Variants in TRIM65 observed in about 807,000 individuals in gnomAD.
TRIM65 encodes tripartite motif containing 65.
A neutral mutation model predicts 36.1 loss-of-function variants in TRIM65; 46 were observed. The observed-to-expected ratio is 1.27, with a 90% confidence interval of 1.01 to 1.63. The LOEUF (loss-of-function observed/expected upper bound fraction) is 1.63, where lower values mean the gene tolerates loss of function less well. Ranked by LOEUF, TRIM65 falls within the 40% of genes most tolerant of loss-of-function variation. The pLI is 0.00. For synonymous variants in TRIM65, 346 were observed against 313.6 expected (o/e 1.10, Z -1.09); for missense variants, 708 against 696.6 (o/e 1.02, Z -0.18).
chr17:75,888,658 C>T (rs2065228909), downstream of TRIM65, among the ~76,000 whole-genome samples: 1 of 152,236 alleles, frequency 6.6e-6, no homozygotes, highest in Admixed American at 6.5e-5. Flanking sequence ...TCAGCTCCCA[C>T]CATTGCCCCT....
rs149815492 is a variant in TRIM65 at position 75,892,366 on chromosome 17, G to A, written c.645C>T (p.Asp215=). 303 of 1,613,476 alleles carry A rather than the reference G, an allele frequency of 1.9e-4. No homozygotes were observed. The highest frequency in any genetic ancestry group is 3.8e-4 in the South Asian group (35 of 91,060). The change falls in exon 3 of 6, where the codon GAC becomes GAT. Residue 215 remains aspartate, a synonymous_variant. Coordinates refer to ENST00000269383, the MANE Select transcript of TRIM65 (RefSeq NM_173547.4). ...AATGGACCCGCAGCCGCTGCTCCTCGTCTCGAGCCTGTGCCAGCGCCTGCG... is the reference window on the plus strand; with the variant it reads ...AATGGACCCGCAGCCGCTGCTCCTCATCTCGAGCCTGTGCCAGCGCCTGCG... ...AKTQALAQAR[D]EEQRLRVHLE... is the part of the protein sequence containing the mutation.
chr17:75,895,810 C>G (rs920249167), intron 1 of TRIM65, among the ~76,000 whole-genome samples: 64 of 152,310 alleles, frequency 4.2e-4, no homozygotes, highest in African/African-American at 1.5e-3. Context: ...GCAGGGAGCT[C>G]GTCTGATCCA....
chr17:75,884,301 T>A (rs2065190205), downstream of TRIM65, among the ~76,000 whole-genome samples: 2 of 148,948 alleles, frequency 1.3e-5, no homozygotes, highest in Admixed American at 6.7e-5. Flanking sequence ...GTACTAAAAA[T>A]ACAAAAAATT....
Position 75,896,668 on chromosome 17 carries a change from GTCGGGGCCGGGGCCGGGA to G in TRIM65, c.252_269del (p.Gly86_Pro91del), listed in dbSNP as rs1160199096. ...CGTGGCGGGGGCAGCGCGCGGCAGGGTCGGGGCCGGGGCCGGGATCGGGGCCGGGATCCCGGGCGGGCC... is the reference window on the plus strand; with the variant it reads ...CGTGGCGGGGGCAGCGCGCGGCAGGGTCGGGGCCGGGATCCCGGGCGGGCC... On this transcript the variant is annotated inframe_deletion, in exon 1 of 6. Transcript: ENST00000269383. 38 of 1,277,680 alleles carry G rather than the reference GTCGGGGCCGGGGCCGGGA, an allele frequency of 3.0e-5. No homozygotes were observed. The highest frequency in any genetic ancestry group is 3.6e-5 in the Non-Finnish European group (37 of 1,017,778). 79.1% of individuals were successfully genotyped at this position (1,277,680 alleles called of 1,614,324 possible). A position where few individuals can be genotyped will look rare whatever the true frequency, so the allele number is the denominator to read the frequency against.
At chr17:75,891,963 G>A (rs2065274102) in intron 4 of TRIM65, 48 bp downstream of exon 4, 1 of 1,557,234 alleles carries the variant, frequency 6.4e-7, no homozygotes, top group Non-Finnish European at 8.7e-7. Flanking sequence ...CCAGCGGGAG[G>A]GGCAGCTGGA....
At position 75,896,578 on chromosome 17, in the gene TRIM65, GC is replaced by G; in HGVS notation, c.359del (p.Arg120ProfsTer22). 2.9e-6 allele frequency: 4 copies of G among 1,361,564 alleles called. No individual in the cohort carries two copies. In the East Asian group the frequency reaches 1.2e-4, roughly 42 times the overall value. The allele number at this position is 1,361,564 out of a possible 1,614,324, so 84.3% of individuals were successfully genotyped here. On this transcript the variant is annotated frameshift_variant, in exon 1 of 6. Coordinates refer to ENST00000269383, the MANE Select transcript of TRIM65 (RefSeq NM_173547.4). LOFTEE classifies it high-confidence loss of function. ...GRCVCSVCTV[R>X]ECRLHERALL... ...GCGCCCGCTCGTGGAGGCGACACTC[GC>G]GCACGGTGCACACGCTGCACACACA...
downstream of TRIM65, among the ~76,000 whole-genome samples, chr17:75,887,641 C>T (rs188287159): frequency 5.8e-4 from 74 of 127,838 alleles, no homozygotes; most frequent in East Asian, 7.1e-3. Context: ...AGTGAGACTC[C>T]GTCTCAAAAA....
At chr17:75,894,764 C>T (rs1351055942) in intron 1 of TRIM65, among the ~76,000 whole-genome samples, 5 of 152,224 alleles carry the variant, frequency 3.3e-5, no homozygotes, top group African/African-American at 9.6e-5. Context: ...CTCCTGACCT[C>T]GTGATCCACC....
chr17:75,881,230 C>A, intron 4 of TRIM65, among the ~76,000 whole-genome samples: 1 of 91,150 alleles, frequency 1.1e-5, no homozygotes, highest in East Asian at 4.0e-4. Context: ...AGCGAGACTC[C>A]ATCTCAAAAA....
At chr17:75,884,303 C>G (rs2065190229), downstream of TRIM65, among the ~76,000 whole-genome samples, 2 of 149,594 alleles carry the variant, frequency 1.3e-5, no homozygotes, top group Admixed American at 6.7e-5. Flanking sequence ...ACTAAAAATA[C>G]AAAAAATTAG....
chr17:75,891,726 T>A, intron 5 of TRIM65, 87 bp downstream of exon 5: 2 of 1,495,436 alleles, frequency 1.3e-6, no homozygotes, highest in Non-Finnish European at 1.8e-6. Context: ...CATACGAACA[T>A]GCACACACAC....
chr17:75,886,048 C>T (rs1255362294), downstream of TRIM65, among the ~76,000 whole-genome samples: 1 of 152,138 alleles, frequency 6.6e-6, no homozygotes, highest in African/African-American at 2.4e-5. Flanking sequence ...GCTGGTTTTT[C>T]CCATGCTGTT....
At position 75,889,588 on chromosome 17, in the gene TRIM65, G is replaced by C. The variant is rs1276286915; in HGVS notation, c.*1191C>G. Reference sequence around the variant, plus strand: ...CTGCCCCAAAGTCCCACACCCAGGGGTGGGATGCTGGAGATGAAGGTCCTG... The same window carrying C: ...CTGCCCCAAAGTCCCACACCCAGGGCTGGGATGCTGGAGATGAAGGTCCTG... On this transcript the variant is annotated 3_prime_UTR_variant, in exon 6 of 6. Coordinates refer to ENST00000269383, the MANE Select transcript of TRIM65 (RefSeq NM_173547.4). The C allele has an allele frequency of 6.6e-6, 1 of 152,188 alleles. No individual in the cohort carries two copies. Among genetic ancestry groups the C allele is most frequent in the Non-Finnish European group, 1.5e-5 (1 of 68,042 alleles). The allele number at this position is 152,188 out of a possible 1,614,324, so 9.4% of individuals were successfully genotyped here. A position where few individuals can be genotyped will look rare whatever the true frequency, so the allele number is the denominator to read the frequency against.
At chr17:75,883,525 A>AC (rs2065182757) in intron 4 of TRIM65, among the ~76,000 whole-genome samples, 1 of 93,246 alleles carries the variant, frequency 1.1e-5, no homozygotes, top group Non-Finnish European at 2.0e-5. Flanking sequence ...TCTCTGAACA[A>AC]GTTTTTTTTT....
At chr17:75,888,805 C>T (rs970982280), downstream of TRIM65, among the ~76,000 whole-genome samples, 2 of 152,172 alleles carry the variant, frequency 1.3e-5, no homozygotes, top group Non-Finnish European at 2.9e-5. Flanking sequence ...CAAGGCCCTG[C>T]CCTGCTCTTG....
intron 1 of TRIM65, among the ~76,000 whole-genome samples, chr17:75,893,157 C>T (rs1360313922): frequency 6.6e-6 from 1 of 152,236 alleles, no homozygotes; most frequent in Non-Finnish European, 1.5e-5. Context: ...TGAGGCCAAG[C>T]ACCTGTCCTC....
At chr17:75,880,013 C>CAAA (rs1000545846), downstream of TRIM65, among the ~76,000 whole-genome samples, 51 of 150,926 alleles carry the variant, frequency 3.4e-4, 6 homozygotes, top group African/African-American at 1.2e-3. Context: ...CTCGGCCTCC[C>CAAA]AAAGTGCTGG....
downstream of TRIM65, among the ~76,000 whole-genome samples, chr17:75,884,154 T>C (rs935170443): frequency 3.3e-5 from 5 of 149,448 alleles, no homozygotes; most frequent in African/African-American, 1.2e-4. Context: ...AATAAATAAA[T>C]AGATAGATAG....
chr17:75,886,157 G>A (rs1192574180), downstream of TRIM65, among the ~76,000 whole-genome samples: 5 of 152,180 alleles, frequency 3.3e-5, no homozygotes, highest in East Asian at 7.7e-4. Context: ...TATGAGACAT[G>A]CCTTTGCTCC....
Sources: gnomAD v4.1 joint callset for allele counts (sites outside exome capture counted in the v4.1 genomes callset) on GRCh38, gnomAD v4.1.1 for gene constraint, MANE v1.5 for transcripts, NCBI Gene and HGNC (gene_info 2026-07-23, HGNC 2026-07-21) for gene names.